The following NXPE2 variants were observed in gnomAD, a reference collection of about 807,000 sequenced individuals.
NXPE2 encodes the protein neurexophilin and PC-esterase domain family member 2.
In NXPE2, 34 loss-of-function variants were observed where a neutral mutation model predicts 34.4. That is an observed-to-expected ratio of 0.99 (90% CI 0.75 to 1.31). NXPE2 has a LOEUF of 1.31. Ranked by LOEUF, NXPE2 falls within the 40% of genes most tolerant of loss-of-function variation. The pLI is 0.00. For synonymous variants in NXPE2, 235 were observed against 231.3 expected (o/e 1.02, Z -0.15); for missense variants, 649 against 672.5 (o/e 0.97, Z 0.39).
At chr11:114,618,831 C>T in the NXPE2 span, among the ~76,000 whole-genome samples, 1 of 151,896 alleles carries the variant, frequency 6.6e-6, no homozygotes, top group Non-Finnish European at 1.5e-5. Flanking sequence ...AGTATTGCCT[C>T]GTGGGCAACC....
At chr11:114,790,827 G>T in the NXPE2 span, among the ~76,000 whole-genome samples, 3 of 152,144 alleles carry the variant, frequency 2.0e-5, no homozygotes, top group South Asian at 6.2e-4. Context: ...AACCCATGCT[G>T]CTCCCTATGT....
the NXPE2 span, among the ~76,000 whole-genome samples, chr11:114,646,371 G>A: frequency 6.6e-6 from 1 of 151,424 alleles, no homozygotes; most frequent in Non-Finnish European, 1.5e-5. Flanking sequence ...ATTAAAATAA[G>A]TGTTAATTTT....
chr11:114,485,485 C>T, the NXPE2 span, among the ~76,000 whole-genome samples: 3 of 150,778 alleles, frequency 2.0e-5, no homozygotes, highest in African/African-American at 4.9e-5. Flanking sequence ...CCACCTCGGC[C>T]TCCCAAAGTG....
chr11:114,697,393 T>C (rs904664620), intron 2 of NXPE2, among the ~76,000 whole-genome samples: 1 of 152,242 alleles, frequency 6.6e-6, no homozygotes, highest in Admixed American at 6.5e-5. Context: ...GTATGGAATA[T>C]ATTCTTTCGC....
the NXPE2 span, among the ~76,000 whole-genome samples, chr11:114,736,584 C>T: frequency 1.1e-4 from 17 of 152,084 alleles, no homozygotes; most frequent in African/African-American, 3.1e-4. Context: ...TGTTCAAACA[C>T]GCATGCTCTA....
At chr11:114,639,117 C>T in the NXPE2 span, among the ~76,000 whole-genome samples, 1 of 152,078 alleles carries the variant, frequency 6.6e-6, no homozygotes, top group East Asian at 1.9e-4. Flanking sequence ...TGGTGGGCTC[C>T]ACCCAGTTCG....
At chr11:114,562,561 TG>T in the NXPE2 span, among the ~76,000 whole-genome samples, 13 of 152,236 alleles carry the variant, frequency 8.5e-5, no homozygotes, top group Non-Finnish European at 1.5e-5. Flanking sequence ...ACATAAATCC[TG>T]GGACTATTTA....
the NXPE2 span, among the ~76,000 whole-genome samples, chr11:114,769,817 G>T: frequency 1.3e-5 from 2 of 152,134 alleles, no homozygotes; most frequent in East Asian, 1.9e-4. Flanking sequence ...CTGTCGGGTT[G>T]GGGGGCTAGG....
chr11:114,571,599 T>C, the NXPE2 span: 33 of 911,084 alleles, frequency 3.6e-5, no homozygotes, highest in Non-Finnish European at 4.1e-5. Context: ...TTATTATAGG[T>C]TTAGATGAGG....
chr11:114,523,571 T>C, the NXPE2 span, among the ~76,000 whole-genome samples: 8 of 152,324 alleles, frequency 5.3e-5, no homozygotes, highest in South Asian at 2.1e-4. Context: ...AATAGTATAA[T>C]AGTCACCTAG....
At chr11:114,572,350 T>G in the NXPE2 span, among the ~76,000 whole-genome samples, 1 of 152,054 alleles carries the variant, frequency 6.6e-6, no homozygotes, top group East Asian at 1.9e-4. Context: ...TCACCACCAA[T>G]GGATCTAAAC....
the NXPE2 span, among the ~76,000 whole-genome samples, chr11:114,557,898 A>G: frequency 6.6e-6 from 1 of 151,816 alleles, no homozygotes; most frequent in Non-Finnish European, 1.5e-5. Context: ...CTAGATTGAC[A>G]AGTGTTATTT....
chr11:114,672,140 A>AC, the NXPE2 span, among the ~76,000 whole-genome samples: 2 of 151,932 alleles, frequency 1.3e-5, no homozygotes, highest in African/African-American at 4.8e-5. Flanking sequence ...GGGGAAGTCC[A>AC]CCCCCATGAT....
the NXPE2 span, among the ~76,000 whole-genome samples, chr11:114,477,515 G>T: frequency 6.6e-6 from 1 of 151,912 alleles, no homozygotes; most frequent in Non-Finnish European, 1.5e-5. Context: ...AATGGTGGGG[G>T]TACAAAGACA....
At chr11:114,639,172 T>C in the NXPE2 span, among the ~76,000 whole-genome samples, 3 of 152,046 alleles carry the variant, frequency 2.0e-5, no homozygotes, top group African/African-American at 7.2e-5. Flanking sequence ...TGGGCAATGG[T>C]GGGCACCCCT....
At chr11:114,576,994 T>C in the NXPE2 span, among the ~76,000 whole-genome samples, 3 of 89,554 alleles carry the variant, frequency 3.3e-5, no homozygotes, top group Admixed American at 1.5e-4. Context: ...TATATATACA[T>C]ATATATATAT....
the NXPE2 span, chr11:114,580,112 T>G: frequency 2.6e-3 from 4,142 of 1,591,932 alleles, 5 homozygotes; most frequent in Non-Finnish European, 3.3e-3. Context: ...GTAAGAATTA[T>G]AGCTTAGACT....
the NXPE2 span, among the ~76,000 whole-genome samples, chr11:114,726,095 CTTTAT>C: frequency 6.6e-6 from 1 of 150,512 alleles, no homozygotes; most frequent in Admixed American, 6.6e-5. Context: ...TCAGAAAATG[CTTTAT>C]TTTACCTCAT....
the NXPE2 span, among the ~76,000 whole-genome samples, chr11:114,510,037 G>A: frequency 5.3e-5 from 8 of 152,092 alleles, no homozygotes; most frequent in African/African-American, 1.9e-4. Context: ...AGATAACATA[G>A]CATGTATTAT....
Sources: gnomAD v4.1 joint callset for allele counts (sites outside exome capture counted in the v4.1 genomes callset) on GRCh38, gnomAD v4.1.1 for gene constraint, MANE v1.5 for transcripts, NCBI Gene and HGNC (gene_info 2026-07-23, HGNC 2026-07-21) for gene names.